Variants in ATP6V0A4 observed in about 807,000 individuals in gnomAD.
ATP6V0A4 encodes the protein V-type proton ATPase 116 kDa subunit a 4.
A neutral mutation model predicts 107.3 loss-of-function variants in ATP6V0A4; 86 were observed. The observed-to-expected ratio is 0.80, with a 90% CI of 0.67 to 0.96. The LOEUF is 0.96. Among genes scored for constraint, ATP6V0A4 ranks in the 40% least tolerant of loss-of-function variants. The probability of loss-of-function intolerance (pLI) is 0.00; values close to 1 mark genes in which losing one functional copy is unlikely to be tolerated. For missense variants in ATP6V0A4, 908 were observed against 1,045.6 expected (o/e 0.87, Z 1.81); for synonymous variants, 353 against 381.4 (o/e 0.93, Z 0.87).
intron 20 of ATP6V0A4, among the ~76,000 whole-genome samples, chr7:138,713,562 C>G (rs535293526): frequency 6.6e-6 from 1 of 152,204 alleles, no homozygotes; most frequent in East Asian, 1.9e-4. Context: ...TTTCAAGGAG[C>G]TCATAGTCCA....
At position 138,718,656 on chromosome 7, in the gene ATP6V0A4, G is replaced by A. The variant is rs1188138343; in HGVS notation, c.2140-2775C>T. On this transcript the variant is annotated intron_variant, in intron 19 of 21. Transcript: ENST00000310018. ...GCCACGGATGTCTGCGGAGGGAGAC[G>A]TCCAGGAAGGAATTCGGGGCGGGGG... Among the ~76,000 whole-genome samples, 11 of 69,170 alleles carry A rather than the reference G, an allele frequency of 1.6e-4. 2 individuals carry two copies. In the East Asian group the frequency reaches 5.1e-3, roughly 32 times the overall value. The allele number at this position is 69,170 out of a possible 152,430, so 45.4% of individuals were successfully genotyped here. A position where few individuals can be genotyped will look rare whatever the true frequency, so the allele number is the denominator to read the frequency against.
intron 19 of ATP6V0A4, among the ~76,000 whole-genome samples, chr7:138,718,462 TG>T (rs149283649): frequency 7.7e-5 from 2 of 25,906 alleles, no homozygotes; most frequent in Non-Finnish European, 1.3e-4. Flanking sequence ...CAGGAAGGAA[TG>T]GGGGGGATGG....
At chr7:138,739,203 A>C (rs1439428355) in intron 15 of ATP6V0A4, among the ~76,000 whole-genome samples, 1 of 152,230 alleles carries the variant, frequency 6.6e-6, no homozygotes, top group Admixed American at 6.5e-5. Flanking sequence ...CAGGGAACTT[A>C]AACTTGATTA....
At chr7:138,745,345 G>T in intron 13 of ATP6V0A4, 65 bp from the exon 14 acceptor site, 1 of 1,608,944 alleles carries the variant, frequency 6.2e-7, no homozygotes. Context: ...AGAGGGAAGC[G>T]TTCTACAGGA....
intron 20 of ATP6V0A4, among the ~76,000 whole-genome samples, chr7:138,710,826 C>T (rs916471875): frequency 2.7e-4 from 41 of 152,134 alleles, no homozygotes; most frequent in African/African-American, 8.9e-4. Flanking sequence ...CACACAGAGA[C>T]GCCCAACAAC....
At chr7:138,720,327 A>G (rs912357125) in intron 19 of ATP6V0A4, among the ~76,000 whole-genome samples, 1 of 152,144 alleles carries the variant, frequency 6.6e-6, no homozygotes, top group African/African-American at 2.4e-5. Flanking sequence ...GTATGATTAG[A>G]CCTGGGGGAA....
intron 2 of ATP6V0A4, among the ~76,000 whole-genome samples, chr7:138,783,022 C>T (rs1213332253): frequency 6.6e-6 from 1 of 152,050 alleles, no homozygotes; most frequent in East Asian, 1.9e-4. Flanking sequence ...TTGCAGTGAG[C>T]CGAGATTGCA....
At chr7:138,730,933 T>TCTTC (rs200188315) in intron 17 of ATP6V0A4, among the ~76,000 whole-genome samples, 4 of 134,780 alleles carry the variant, frequency 3.0e-5, no homozygotes, top group African/African-American at 1.0e-4. Context: ...TTCTTCTTCT[T>TCTTC]TTTTTATTTT....
At chr7:138,734,868 T>C (rs1220882803) in intron 15 of ATP6V0A4, among the ~76,000 whole-genome samples, 2 of 151,778 alleles carry the variant, frequency 1.3e-5, no homozygotes, top group Non-Finnish European at 2.9e-5. Context: ...TCATGGCCTA[T>C]AGCTCATTGG....
At chr7:138,755,653 C>T in intron 10 of ATP6V0A4, 36 bp downstream of exon 10, 2 of 1,612,216 alleles carry the variant, frequency 1.2e-6, no homozygotes, top group Non-Finnish European at 1.7e-6. Context: ...CCTCCTGCAG[C>T]TGCCATCAGA....
At chr7:138,711,678 C>T (rs781375204) in intron 20 of ATP6V0A4, among the ~76,000 whole-genome samples, 2 of 152,168 alleles carry the variant, frequency 1.3e-5, no homozygotes, top group African/African-American at 2.4e-5. Flanking sequence ...TCACCCCCGT[C>T]GGGTTAGACC....
chr7:138,739,802 G>T, intron 14 of ATP6V0A4, 169 bp from the exon 15 acceptor site: 2 of 722,952 alleles, frequency 2.8e-6, no homozygotes, highest in Non-Finnish European at 3.4e-6. Context: ...AAACACTGAG[G>T]CTACAATCTG....
rs1165979924 is a variant in ATP6V0A4 at position 138,773,233 on chromosome 7, T to C, written c.-17-1969A>G. On this transcript the variant is annotated intron_variant, in intron 2 of 21. Coordinates refer to ENST00000310018, the MANE Select transcript of ATP6V0A4 (RefSeq NM_020632.3). The surrounding 1 kb of genome is among the most constrained non-coding windows in gnomAD (Gnocchi z 5.4). ...GGCCTCCTCTGTGTCCTCCTCCAGCTTTGGCCTCTCCAGGGACCCTGCATT... is the reference window on the plus strand; with the variant it reads ...GGCCTCCTCTGTGTCCTCCTCCAGCCTTGGCCTCTCCAGGGACCCTGCATT... Among the ~76,000 whole-genome samples, 1 of 152,210 alleles carries C rather than the reference T, an allele frequency of 6.6e-6. No individual in the cohort carries two copies. The highest frequency in any genetic ancestry group is 2.4e-5 in the African/African-American group (1 of 41,458).
intron 13 of ATP6V0A4, among the ~76,000 whole-genome samples, chr7:138,745,962 A>AATATATATATATAT (rs1554396064): frequency 5.5e-4 from 36 of 65,622 alleles, no homozygotes; most frequent in African/African-American, 1.4e-3. Context: ...AAAAAAAAAA[A>AATATATATATATAT]ATATATATAT....
At chr7:138,736,123 G>A (rs1371386658) in intron 15 of ATP6V0A4, among the ~76,000 whole-genome samples, 1 of 152,110 alleles carries the variant, frequency 6.6e-6, no homozygotes, top group African/African-American at 2.4e-5. Context: ...GCACGTGCCT[G>A]TAGTCCCAGC....
At chr7:138,721,067 G>A (rs1804401660) in intron 19 of ATP6V0A4, among the ~76,000 whole-genome samples, 2 of 152,192 alleles carry the variant, frequency 1.3e-5, no homozygotes, top group South Asian at 4.1e-4. Flanking sequence ...CCTCCAGCTT[G>A]GGATTCACAA....
intron 5 of ATP6V0A4, among the ~76,000 whole-genome samples, chr7:138,767,142 T>C (rs1296470108): frequency 6.6e-6 from 1 of 152,240 alleles, no homozygotes; most frequent in Non-Finnish European, 1.5e-5. Flanking sequence ...AATGTTACCA[T>C]GTAATGAGAC....
chr7:138,709,667 T>C lies in ATP6V0A4; in HGVS notation c.2386A>G (p.Met796Val), dbSNP rs1383701222. The change falls in exon 21 of 22, where the codon ATG becomes GTG. Residue 796 changes from methionine to valine, a missense_variant. By Grantham distance (21) the Met-to-Val change is conservative. Transcript: ENST00000310018. ...AVLTVAILLIMEGLSAFLHAL... is the reference protein window; with the variant it reads ...AVLTVAILLIVEGLSAFLHAL... ...TGCAGGAAAGCAGAGAGGCCCTCCA[T>C]GATCAGAAGGATGGCTACTGTCAGG... 1 of 1,613,428 alleles carries C rather than the reference T, an allele frequency of 6.2e-7. No homozygotes were observed. The highest frequency in any genetic ancestry group is 8.5e-7 in the Non-Finnish European group (1 of 1,179,736).
chr7:138,716,060 T>C (rs910249614), intron 19 of ATP6V0A4, 179 bp from the exon 20 acceptor site: 2 of 437,130 alleles, frequency 4.6e-6, no homozygotes, highest in African/African-American at 4.3e-5. Flanking sequence ...TCGTATGTTA[T>C]GTGTGTCTTA....
Sources: allele counts gnomAD v4.1 joint callset (sites outside exome capture counted in the v4.1 genomes callset), GRCh38; gene constraint gnomAD v4.1.1; non-coding constraint Gnocchi (gnomAD v3.1); transcripts MANE v1.5; gene names NCBI Gene and HGNC (gene_info 2026-07-23, HGNC 2026-07-21).